Variants in PKNOX2 observed in about 807,000 individuals in gnomAD.
PKNOX2 encodes PBX/knotted 1 homeobox 2, also known as homeobox protein PKNOX2.
In PKNOX2, 14 loss-of-function variants were observed where a neutral mutation model predicts 53.1. That is an observed-to-expected ratio of 0.26 (90% CI 0.17 to 0.41). The LOEUF is 0.41. Among genes scored for constraint, PKNOX2 ranks in the 10% least tolerant of loss-of-function variants. The pLI, the probability that PKNOX2 is intolerant of heterozygous loss-of-function variation, is 1.00. For synonymous variants in PKNOX2, 257 were observed against 242.8 expected (o/e 1.06, Z -0.54); for missense variants, 496 against 602.8 (o/e 0.82, Z 1.85).
Position 125,385,624 on chromosome 11 carries a change from A to G in PKNOX2, c.301A>G (p.Thr101Ala). 3 of 1,613,782 alleles carry G rather than the reference A, an allele frequency of 1.9e-6. No homozygotes were observed. Among genetic ancestry groups the G allele is most frequent in the Non-Finnish European group, 1.7e-6 (2 of 1,179,942 alleles). The stretch of plus-strand genomic sequence containing the variant: ...GGCCACCCAGGGCTCTGAGTGCATC[A>G]CCTCCGCCAGCTTTGATGTGGACAT... The part of the protein sequence containing the change: ...EQATQGSECI[T>A]SASFDVDIEN... The change falls in exon 6 of 13, where the codon ACC becomes GCC. Residue 101 changes from threonine to alanine, a missense_variant. Physicochemically the swap from Thr to Ala is moderately conservative, Grantham distance 58. Coordinates refer to ENST00000298282, the MANE Select transcript of PKNOX2 (RefSeq NM_001382323.2).
chr11:125,236,528 G>A (rs368652454), intron 2 of PKNOX2, among the ~76,000 whole-genome samples: 6 of 152,276 alleles, frequency 3.9e-5, no homozygotes, highest in South Asian at 2.1e-4. Flanking sequence ...AGCTGAGAGC[G>A]TGGGGGGAAA....
rs573200997 is a variant in PKNOX2, at chr11:125,379,740, G to T, written c.228-5811G>T. ...TCCCGGGGACAGCTGCACACACCTT[G>T]GCCCCAAACTGGGCATTCCAGACCA... On this transcript the variant is annotated intron_variant, in intron 5 of 12. Transcript: ENST00000298282. Among the ~76,000 whole-genome samples, 4 of 152,224 alleles carry T rather than the reference G, an allele frequency of 2.6e-5. No homozygotes were observed. In the East Asian group the frequency reaches 7.7e-4, roughly 29 times the overall value.
intron 2 of PKNOX2, among the ~76,000 whole-genome samples, chr11:125,300,696 G>A (rs548369512): frequency 1.3e-5 from 2 of 151,794 alleles, no homozygotes; most frequent in South Asian, 2.1e-4. Flanking sequence ...GGGGAGGGAG[G>A]GAAAGTTGAA....
chr11:125,285,066 C>G (rs1336204524), intron 2 of PKNOX2, among the ~76,000 whole-genome samples: 1 of 152,136 alleles, frequency 6.6e-6, no homozygotes, highest in Non-Finnish European at 1.5e-5. Flanking sequence ...TTCCCTGGCC[C>G]TTTCTGTGGG....
Position 125,388,966 on chromosome 11 carries a change from G to A in PKNOX2, c.399+3244G>A, listed in dbSNP as rs369754143. Among the ~76,000 whole-genome samples, 8 of 152,170 alleles carry A rather than the reference G, an allele frequency of 5.3e-5. No individual in the cohort carries two copies. The East Asian group carries it at 1.2e-3, about 22-fold the overall frequency. On this transcript the variant is annotated intron_variant, in intron 6 of 12. Coordinates refer to ENST00000298282, the MANE Select transcript of PKNOX2 (RefSeq NM_001382323.2). ...TCCCAGCACTTTGGGAGTCCAAGGC[G>A]GGCAGATCACATGAGGCTAGGAGTT...
intron 8 of PKNOX2, 32 bp from the exon 9 acceptor site, chr11:125,410,747 G>T (rs1955458843): frequency 1.3e-6 from 2 of 1,562,918 alleles, no homozygotes; most frequent in Non-Finnish European, 1.8e-6. Context: ...CACTCCCATG[G>T]CAGGGGACCC....
intron 2 of PKNOX2, among the ~76,000 whole-genome samples, chr11:125,316,346 C>A (rs533566977): frequency 1.3e-5 from 2 of 152,286 alleles, no homozygotes; most frequent in African/African-American, 4.8e-5. Flanking sequence ...GACAGCTTTG[C>A]ATGGAGAAGA....
rs943206026 is a variant in PKNOX2 at position 125,386,841 on chromosome 11, A to G, written c.399+1119A>G. On this transcript the variant is annotated intron_variant, in intron 6 of 12. Coordinates refer to ENST00000298282, the MANE Select transcript of PKNOX2 (RefSeq NM_001382323.2). Reference sequence around the variant, plus strand: ...GCTTCTCTCAAGAGCTGAATATGTGACTGTATGGAGTCCAGAAGAGCTGCC... The same window carrying G: ...GCTTCTCTCAAGAGCTGAATATGTGGCTGTATGGAGTCCAGAAGAGCTGCC... Among the ~76,000 whole-genome samples, 16 of 148,934 alleles carry G rather than the reference A, an allele frequency of 1.1e-4. No individual in the cohort carries two copies. In the South Asian group the frequency reaches 2.9e-3, roughly 27 times the overall value.
chr11:125,170,751 C>A (rs1406221633), intron 1 of PKNOX2, among the ~76,000 whole-genome samples: 1 of 152,042 alleles, frequency 6.6e-6, no homozygotes, highest in Non-Finnish European at 1.5e-5. Context: ...AAAACTGAAG[C>A]AATGAAGATT....
chr11:125,328,354 AGAGT>A (rs1379225457), intron 2 of PKNOX2, among the ~76,000 whole-genome samples: 2 of 143,230 alleles, frequency 1.4e-5, no homozygotes, highest in African/African-American at 3.0e-5. Flanking sequence ...AGAAAGAGAG[AGAGT>A]GAGTGAGAGA....
chr11:125,164,871 C>T lies in PKNOX2; in HGVS notation c.-201+95C>T, dbSNP rs79952317. On this transcript the variant is annotated intron_variant, in intron 1 of 12. Transcript: ENST00000298282. The stretch of plus-strand genomic sequence containing the variant: ...TGCTGCGGGCGGCTGCCTCAGAGCG[C>T]GTGTGTTTTATTCCAGTCCCCAAGC... 384 of 170,414 alleles carry T rather than the reference C, an allele frequency of 2.3e-3. 2 individuals carry two copies. Among genetic ancestry groups the T allele is most frequent in the African/African-American group, 8.7e-3 (360 of 41,550 alleles). The allele number at this position is 170,414 out of a possible 1,614,324, so 10.6% of individuals were successfully genotyped here.
intron 7 of PKNOX2, 153 bp from the exon 8 acceptor site, chr11:125,410,043 C>G: frequency 9.8e-7 from 1 of 1,017,630 alleles, no homozygotes; most frequent in Non-Finnish European, 1.4e-6. Context: ...TTCTAGGAAA[C>G]CAAGAGAGTT....
intron 10 of PKNOX2, among the ~76,000 whole-genome samples, chr11:125,426,896 C>A (rs1052470714): frequency 5.9e-5 from 9 of 152,190 alleles, no homozygotes; most frequent in South Asian, 2.1e-4. Context: ...TCGGGAAGGG[C>A]CTTGCAGAGG....
intron 2 of PKNOX2, among the ~76,000 whole-genome samples, chr11:125,317,425 T>C (rs1949265416): frequency 6.6e-6 from 1 of 152,238 alleles, no homozygotes; most frequent in African/African-American, 2.4e-5. Flanking sequence ...GCAAGAGCCT[T>C]AACAAAATGT....
intron 1 of PKNOX2, among the ~76,000 whole-genome samples, chr11:125,221,098 T>A (rs1271572591): frequency 6.6e-6 from 1 of 151,960 alleles, no homozygotes; most frequent in Non-Finnish European, 1.5e-5. Context: ...GAGGTTGCAG[T>A]GAGCCGAGAT....
chr11:125,213,465 G>A (rs1015900593), intron 1 of PKNOX2, among the ~76,000 whole-genome samples: 7 of 152,022 alleles, frequency 4.6e-5, no homozygotes, highest in African/African-American at 1.2e-4. Context: ...TTTTGTTGTT[G>A]TTGTTATTTG....
At position 125,219,762 on chromosome 11, in the gene PKNOX2, G is replaced by A. The variant is rs150107204; in HGVS notation, c.-200-15283G>A. Among the ~76,000 whole-genome samples the A allele has an allele frequency of 1.8e-4, 27 of 152,228 alleles. No homozygotes were observed. In the East Asian group the frequency reaches 2.1e-3, roughly 12 times the overall value. On this transcript the variant is annotated intron_variant, in intron 1 of 12. Transcript: ENST00000298282. ...GCAAAAAGCCAAAAAATTTGATATC[G>A]CATTCTATTGGCAAGGCCCTGGGGA...
intron 1 of PKNOX2, among the ~76,000 whole-genome samples, chr11:125,201,855 T>C (rs4936992): frequency 0.43 from 65,097 of 151,794 alleles, 14,113 homozygotes; most frequent in East Asian, 0.49. Flanking sequence ...AAGAGCCCAG[T>C]GAGTTTAGCA....
chr11:125,301,600 ACGCAAGTATATGAAT>A (rs1354111534), intron 2 of PKNOX2, among the ~76,000 whole-genome samples: 2 of 152,116 alleles, frequency 1.3e-5, no homozygotes, highest in Non-Finnish European at 2.9e-5. Context: ...CAAGAAACAC[ACGCAAGTATATGAAT>A]TTGTTACATA....
Sources: allele counts gnomAD v4.1 joint callset (sites outside exome capture counted in the v4.1 genomes callset), GRCh38; gene constraint gnomAD v4.1.1; transcripts MANE v1.5; gene names NCBI Gene and HGNC (gene_info 2026-07-23, HGNC 2026-07-21).